TTC28: variants seen among roughly 807,000 people sequenced by gnomAD.
The protein encoded by TTC28 is tetratricopeptide repeat protein 28.
A neutral mutation model predicts 198.0 loss-of-function variants in TTC28; 61 were observed. The observed-to-expected ratio is 0.31, with a 90% CI of 0.25 to 0.38. The LOEUF is 0.38. TTC28 is among the 10% of genes least tolerant of loss of function. TTC28 has a pLI of 1.00. For synonymous variants in TTC28, 1,171 were observed against 1,297.8 expected (o/e 0.90, Z 2.10); for missense variants, 2,678 against 3,164.0 (o/e 0.85, Z 3.69).
chr22:28,091,206 G>A (rs1224388529), intron 12 of TTC28, among the ~76,000 whole-genome samples: 2 of 152,180 alleles, frequency 1.3e-5, no homozygotes, highest in Non-Finnish European at 1.5e-5. Flanking sequence ...TCAACCTCCA[G>A]TATCATAGAA....
intron 1 of TTC28, among the ~76,000 whole-genome samples, chr22:28,647,548 C>T (rs1404018721): frequency 3.3e-5 from 5 of 152,078 alleles, no homozygotes; most frequent in Admixed American, 1.3e-4. Context: ...CATCAAAAAG[C>T]GGGCAAATGG....
At position 28,247,115 on chromosome 22, in the gene TTC28, T is replaced by C. The variant is rs184853520; in HGVS notation, c.933+49083A>G. On this transcript the variant is annotated intron_variant, in intron 5 of 22. Coordinates refer to ENST00000397906, the MANE Select transcript of TTC28 (RefSeq NM_001145418.2). The stretch of plus-strand genomic sequence containing the variant: ...GGCATTCTTTCTAAGACACTACTTT[T>C]TTCATAAGTATAAGCAATAGATGAT... 2.0e-3 allele frequency among the ~76,000 whole-genome samples: 306 copies of C among 152,298 alleles called. 1 individual carries two copies. The highest frequency in any genetic ancestry group is 7.0e-3 in the African/African-American group (292 of 41,576).
At chr22:28,404,827 C>T (rs1408155075) in intron 2 of TTC28, among the ~76,000 whole-genome samples, 1 of 152,140 alleles carries the variant, frequency 6.6e-6, no homozygotes, top group Non-Finnish European at 1.5e-5. Flanking sequence ...CCACCAAGGG[C>T]CAGAAAAGGT....
intron 5 of TTC28, among the ~76,000 whole-genome samples, chr22:28,207,184 A>C (rs1220055858): frequency 1.3e-5 from 2 of 151,794 alleles, no homozygotes; most frequent in Non-Finnish European, 2.9e-5. Context: ...TAAGCCCTTC[A>C]AAAAGAATGC....
At position 28,107,527 on chromosome 22, in the gene TTC28, G is replaced by A. The variant is rs1942344579; in HGVS notation, c.2318C>T (p.Ala773Val). ...AYRMIQKYDK[A>V]LGYHTQELEV... ...CAGTTCCTGTGTGTGATAACCCAGG[G>A]CCTTGTCATACTTCTGGATCATTCG... The change falls in exon 7 of 23, where the codon GCC (alanine) becomes GTC (valine). Residue 773 changes from alanine (A) to valine (V), a missense_variant. Physicochemically the swap from Ala to Val is moderately conservative, Grantham distance 64. Transcript: ENST00000397906. 1 of 1,551,826 alleles carries A rather than the reference G, an allele frequency of 6.4e-7. No homozygotes were observed. Among genetic ancestry groups the A allele is most frequent in the East Asian group, 2.4e-5 (1 of 40,924 alleles).
intron 2 of TTC28, among the ~76,000 whole-genome samples, chr22:28,386,143 C>T (rs1021884146): frequency 4.7e-5 from 7 of 149,814 alleles, no homozygotes; most frequent in Non-Finnish European, 7.5e-5. Context: ...GGCGTAGTGG[C>T]GGGCGCCTGT....
At chr22:28,467,602 G>T (rs980178758) in intron 2 of TTC28, among the ~76,000 whole-genome samples, 1 of 152,126 alleles carries the variant, frequency 6.6e-6, no homozygotes, top group Non-Finnish European at 1.5e-5. Flanking sequence ...TATCTCAAGT[G>T]CTAGCAATTG....
chr22:28,037,158 C>G (rs535479895), intron 12 of TTC28, among the ~76,000 whole-genome samples: 7 of 152,324 alleles, frequency 4.6e-5, no homozygotes, highest in African/African-American at 1.7e-4. Context: ...TCCTCCCTAA[C>G]TCATTTTATG....
chr22:28,297,861 A>G lies in TTC28; in HGVS notation c.530-9T>C. 2.6e-6 allele frequency: 4 copies of G among 1,550,342 alleles called. No homozygotes were observed. The East Asian group carries it at 9.8e-5, about 38-fold the overall frequency. ...AGTGGGCTCGAGGGAGTCTGAAAAT[A>G]AACAACAATAACAGCAACATAACAG... On this transcript the variant is annotated splice_polypyrimidine_tract_variant and intron_variant, in intron 3 of 22. Transcript: ENST00000397906.
At chr22:28,504,373 C>G (rs185631278) in intron 2 of TTC28, among the ~76,000 whole-genome samples, 132 of 151,992 alleles carry the variant, frequency 8.7e-4, no homozygotes, top group Middle Eastern at 3.4e-3. Flanking sequence ...GTGTGTGTGT[C>G]TGTTTGTGTA....
intron 2 of TTC28, among the ~76,000 whole-genome samples, chr22:28,422,387 G>A (rs1021569346): frequency 6.6e-6 from 1 of 151,832 alleles, no homozygotes; most frequent in African/African-American, 2.4e-5. Context: ...AAAACTTCAA[G>A]TACCTCTAAA....
rs1472857747 is a variant in TTC28, at chr22:28,096,255, C to A, written c.3701G>T (p.Gly1234Val). The change falls in exon 11 of 23, where the codon GGA becomes GTA. Residue 1234 changes from glycine (G) to valine (V), a missense_variant. Physicochemically the swap from Gly to Val is moderately radical, Grantham distance 109. This residue lies in a region of TTC28 where 727 missense variants were observed against 861.9 expected (regional missense o/e 0.84). Coordinates refer to ENST00000397906, the MANE Select transcript of TTC28 (RefSeq NM_001145418.2). ...QILEMVNGQR[G>V]LVLYYSLAAG... Reference sequence around the variant, plus strand: ...AGCCAGGGAATAGTAAAGCACTAGTCCCCTCTGGCCATTTACCATCTCTAA... The same window carrying A: ...AGCCAGGGAATAGTAAAGCACTAGTACCCTCTGGCCATTTACCATCTCTAA... The A allele has an allele frequency of 1.3e-6, 2 of 1,551,478 alleles. No individual in the cohort carries two copies. Among genetic ancestry groups the A allele is most frequent in the African/African-American group, 2.7e-5 (2 of 72,998 alleles).
At chr22:28,475,422 T>C (rs1442975650) in intron 2 of TTC28, among the ~76,000 whole-genome samples, 1 of 152,068 alleles carries the variant, frequency 6.6e-6, no homozygotes, top group Admixed American at 6.5e-5. Context: ...TCTGAGTACC[T>C]GGAGAAAACC....
At chr22:28,055,527 C>G (rs1180248837) in intron 12 of TTC28, among the ~76,000 whole-genome samples, 1 of 152,158 alleles carries the variant, frequency 6.6e-6, no homozygotes, top group African/African-American at 2.4e-5. Context: ...GAAAAATAGA[C>G]CTCCGCTTAA....
In TTC28 at chr22:28,444,620, A is replaced by G. The variant is rs1194202841; in HGVS notation, c.382-137977T>C. Among the ~76,000 whole-genome samples the G allele has an allele frequency of 2.0e-5, 3 of 152,280 alleles. No individual in the cohort carries two copies. In the East Asian group the frequency reaches 5.8e-4, roughly 29 times the overall value. On this transcript the variant is annotated intron_variant, in intron 2 of 22. Transcript: ENST00000397906. ...CCTGCAAGGAAGGTCTTACAGTTCC[A>G]TTTTCCAGACACTGAGATTCAGAGT... is the stretch of plus-strand genomic sequence containing the variant.
intron 2 of TTC28, among the ~76,000 whole-genome samples, chr22:28,486,216 T>G (rs532986168): frequency 3.3e-5 from 5 of 152,174 alleles, no homozygotes; most frequent in Non-Finnish European, 7.4e-5. Context: ...AAAATTGCTT[T>G]TACTTATCAG....
intron 2 of TTC28, among the ~76,000 whole-genome samples, chr22:28,408,122 T>C (rs893089211): frequency 1.1e-4 from 17 of 152,134 alleles, no homozygotes; most frequent in South Asian, 6.2e-4. Flanking sequence ...ATTAATAAGA[T>C]ACTAGGAAGC....
intron 2 of TTC28, among the ~76,000 whole-genome samples, chr22:28,397,682 A>G (rs1453281272): frequency 1.3e-5 from 2 of 152,214 alleles, no homozygotes; most frequent in Non-Finnish European, 2.9e-5. Flanking sequence ...CCAAAATTCT[A>G]GTATTAGAAA....
At chr22:28,217,449 A>G (rs935322296) in intron 5 of TTC28, among the ~76,000 whole-genome samples, 3 of 152,212 alleles carry the variant, frequency 2.0e-5, no homozygotes, top group African/African-American at 7.2e-5. Flanking sequence ...AATTGTGGCG[A>G]TAGAGGAAAG....
Sources: gnomAD v4.1 joint callset for allele counts (sites outside exome capture counted in the v4.1 genomes callset) on GRCh38, gnomAD v4.1.1 for gene constraint, gnomAD v4.1.1 regional missense constraint, MANE v1.5 for transcripts, NCBI Gene and HGNC (gene_info 2026-07-23, HGNC 2026-07-21) for gene names.